KDM6A: variants seen among roughly 807,000 people sequenced by gnomAD.
KDM6A encodes the protein lysine-specific demethylase 6A.
KDM6A carries 11 observed loss-of-function variants against 117.6 expected under a neutral mutation model. That is an observed-to-expected ratio of 0.09 (90% CI 0.06 to 0.15). KDM6A has a LOEUF of 0.15. KDM6A is among the 10% of genes least tolerant of loss of function. KDM6A has a pLI of 1.00. For synonymous variants in KDM6A, 384 were observed against 396.1 expected, an observed-to-expected ratio of 0.97 and a Z score of 0.36; for missense variants, 799 against 1,077.3, an observed-to-expected ratio of 0.74 and a Z score of 3.62.
At chrX:45,089,546 A>T (rs919543073) in intron 25 of KDM6A, among the ~76,000 whole-genome samples, 197 bp from the exon 26 acceptor site, 1 of 110,623 alleles carries the variant, frequency 9.0e-6, no homozygotes, top group Non-Finnish European at 1.9e-5. Flanking sequence ...AAAAAAAGTA[A>T]CACTGATCTT....
At chrX:45,001,732 GT>G (rs1459509755) in intron 4 of KDM6A, among the ~76,000 whole-genome samples, 2 of 111,683 alleles carry the variant, frequency 1.8e-5, no homozygotes, top group Non-Finnish European at 3.8e-5. Context: ...CTTAACTTTA[GT>G]TTGATAGTGT....
chrX:44,916,100 T>C (rs771010330), intron 2 of KDM6A, among the ~76,000 whole-genome samples: 2 of 111,284 alleles, frequency 1.8e-5, no homozygotes, highest in Admixed American at 1.9e-4. Context: ...TTAAATGTTA[T>C]AGGCATGTAT....
At chrX:45,075,972 A>G (rs2045094569) in intron 18 of KDM6A, among the ~76,000 whole-genome samples, 1 of 111,437 alleles carries the variant, frequency 9.0e-6, no homozygotes, top group Non-Finnish European at 1.9e-5. Flanking sequence ...TGATTTTCTA[A>G]GTTTAGTAGA....
At chrX:44,934,432 A>T (rs1333846893) in intron 2 of KDM6A, among the ~76,000 whole-genome samples, 1 of 111,807 alleles carries the variant, frequency 8.9e-6, no homozygotes, top group Non-Finnish European at 1.9e-5. Flanking sequence ...ATGTAATATG[A>T]TTTTTATTTT....
chrX:45,085,013 A>G (rs775008613), intron 24 of KDM6A, among the ~76,000 whole-genome samples: 2 of 111,735 alleles, frequency 1.8e-5, no homozygotes, highest in African/African-American at 3.2e-5. Context: ...GATTAGAACT[A>G]TTGGTTATAA....
At chrX:45,026,168 A>G (rs1035847122) in intron 6 of KDM6A, among the ~76,000 whole-genome samples, 1 of 112,470 alleles carries the variant, frequency 8.9e-6, no homozygotes, top group East Asian at 2.8e-4. Flanking sequence ...ATTTTTTTCT[A>G]TACAAACTGA....
At chrX:44,919,170 G>T (rs2035743669) in intron 2 of KDM6A, among the ~76,000 whole-genome samples, 1 of 111,554 alleles carries the variant, frequency 9.0e-6, no homozygotes, top group Non-Finnish European at 1.9e-5. Flanking sequence ...TACTATTAAT[G>T]AACCAATATT....
chrX:45,014,528 G>C (rs1005199172), intron 5 of KDM6A, among the ~76,000 whole-genome samples: 1 of 111,960 alleles, frequency 8.9e-6, no homozygotes, highest in Admixed American at 9.5e-5. Flanking sequence ...CTAGAAACCA[G>C]TCTCTAAAAA....
In KDM6A at chrX:44,978,545, C is replaced by G. The variant is rs371302461; in HGVS notation, c.384+3830C>G. ...TGGCTTGTTTTTCCAAATAAACTTT[C>G]TAATTAACTTGTCTAGCTTCACAAA... On this transcript the variant is annotated intron_variant, in intron 4 of 29. Coordinates refer to ENST00000611820, the MANE Select transcript of KDM6A (RefSeq NM_001291415.2). 6.2e-5 allele frequency among the ~76,000 whole-genome samples: 7 copies of G among 112,240 alleles called. No individual in the cohort carries two copies. In the South Asian group the frequency reaches 2.6e-3, roughly 41 times the overall value.
At chrX:44,911,853 C>T (rs1320114670) in intron 2 of KDM6A, among the ~76,000 whole-genome samples, 3 of 111,694 alleles carry the variant, frequency 2.7e-5, no homozygotes, top group Non-Finnish European at 3.8e-5. Context: ...AGCGAAACCC[C>T]GTCTCTACCA....
rs1458445096 is a variant in KDM6A, at chrX:45,051,583, C to T, written c.655-126C>T. On this transcript the variant is annotated intron_variant, in intron 8 of 29. Coordinates refer to ENST00000611820, the MANE Select transcript of KDM6A (RefSeq NM_001291415.2). ...TTAAAGAAACATTCAATAATGGAAT[C>T]AGCACTTTTTTCTTTTAGTTTTAAA... is the stretch of plus-strand genomic sequence containing the variant. 1.6e-5 allele frequency: 7 copies of T among 442,327 alleles called. No homozygotes were observed. The Middle Eastern group carries it at 2.5e-3, about 158-fold the overall frequency. The allele number at this position is 442,327 out of a possible 1,213,427, so 36.5% of individuals were successfully genotyped here.
Position 44,974,654 on chromosome X carries a change from T to C in KDM6A, c.335-12T>C. The C allele has an allele frequency of 1.8e-6, 2 of 1,136,413 alleles. No homozygotes were observed. Among genetic ancestry groups the C allele is most frequent in the Non-Finnish European group, 2.4e-6 (2 of 827,045 alleles). 93.7% of individuals were successfully genotyped at this position (1,136,413 alleles called of 1,213,427 possible). On this transcript the variant is annotated splice_polypyrimidine_tract_variant and intron_variant, in intron 3 of 29. Coordinates refer to ENST00000611820, the MANE Select transcript of KDM6A (RefSeq NM_001291415.2). ...GAGACATAATTATGACTCATAATTATTTTCCTTTCAGCATTATCTGCATAC... is the reference window on the plus strand; with the variant it reads ...GAGACATAATTATGACTCATAATTACTTTCCTTTCAGCATTATCTGCATAC...
chrX:44,920,588 G>A (rs1219177031), intron 2 of KDM6A, among the ~76,000 whole-genome samples: 3 of 107,738 alleles, frequency 2.8e-5, no homozygotes, highest in Non-Finnish European at 5.8e-5. Flanking sequence ...ACAGGCGCCC[G>A]TCACCACGCC....
chrX:45,073,685 T>A (rs2044973735), intron 18 of KDM6A, among the ~76,000 whole-genome samples: 1 of 112,314 alleles, frequency 8.9e-6, no homozygotes, highest in Non-Finnish European at 1.9e-5. Context: ...TTGAGAAGTG[T>A]CTGTTATATC....
At chrX:45,068,369 AT>A (rs1430064750) in intron 17 of KDM6A, among the ~76,000 whole-genome samples, 2 of 110,577 alleles carry the variant, frequency 1.8e-5, no homozygotes, top group African/African-American at 6.6e-5. Flanking sequence ...TCATATTTTC[AT>A]TCTATTAAAT....
At chrX:44,973,388 T>C (rs750587122) in intron 3 of KDM6A, among the ~76,000 whole-genome samples, 89 of 111,885 alleles carry the variant, frequency 8.0e-4, no homozygotes, top group South Asian at 7.1e-3. Flanking sequence ...GTATATACTC[T>C]CCTTTAAGGG....
chrX:45,102,018 C>T (rs1375985273), intron 27 of KDM6A, among the ~76,000 whole-genome samples: 2 of 111,566 alleles, frequency 1.8e-5, no homozygotes, highest in Admixed American at 1.9e-4. Flanking sequence ...TCTGCTCTTG[C>T]CCACTCTACA....
intron 2 of KDM6A, among the ~76,000 whole-genome samples, chrX:44,938,648 T>A (rs755325980): frequency 1.8e-5 from 2 of 112,295 alleles, no homozygotes; most frequent in South Asian, 7.4e-4. Context: ...CTAAACAGAT[T>A]TTCCATCTAT....
At position 45,079,222 on chromosome X, in the gene KDM6A, G is replaced by T. The variant is rs1372357109; in HGVS notation, c.3171G>T (p.Leu1057Phe). 1 of 1,207,700 alleles carries T rather than the reference G, an allele frequency of 8.3e-7. No homozygotes were observed. The highest frequency in any genetic ancestry group is 1.8e-5 in the African/African-American group (1 of 57,052). The change falls in exon 21 of 30, where the codon TTG becomes TTT. Residue 1057 changes from leucine to phenylalanine, a missense_variant. Physicochemically the swap from Leu to Phe is conservative, Grantham distance 22. Around this residue, in one of 8 missense-constraint regions of KDM6A, gnomAD observed 291 missense variants for 437.9 expected, o/e 0.66. Coordinates refer to ENST00000611820, the MANE Select transcript of KDM6A (RefSeq NM_001291415.2). ...EHMVEVRTQL[L>F]QPADENWDPT... ...TGGTAGAAGTGAGGACACAGTTGTT[G>T]CAGCCAGCAGATGAAAACTGGGATC...
Sources: allele counts gnomAD v4.1 joint callset (sites outside exome capture counted in the v4.1 genomes callset), GRCh38; gene constraint gnomAD v4.1.1; regional missense constraint gnomAD v4.1.1; transcripts MANE v1.5; gene names NCBI Gene and HGNC (gene_info 2026-07-23, HGNC 2026-07-21).